The following FSTL5 variants were observed in gnomAD, a reference collection of about 807,000 sequenced individuals.
FSTL5 encodes follistatin like 5, also known as follistatin-related protein 5.
FSTL5 carries 62 observed loss-of-function variants against 89.1 expected under a neutral mutation model. The ratio of observed to expected loss-of-function variants is 0.70; its 90% confidence interval spans 0.57 to 0.86. The LOEUF is 0.86. Among genes scored for constraint, FSTL5 ranks in the 40% least tolerant of loss-of-function variants. The pLI is 0.00. For synonymous variants in FSTL5, 383 were observed against 346.2 expected (o/e 1.11, Z -1.18); for missense variants, 1,057 against 1,001.6 (o/e 1.06, Z -0.75).
At chr4:161,906,736 G>A (rs1319836762) in intron 4 of FSTL5, among the ~76,000 whole-genome samples, 3 of 152,028 alleles carry the variant, frequency 2.0e-5, no homozygotes, top group African/African-American at 7.2e-5. Flanking sequence ...TTGCTTATAC[G>A]ATAATGTCCA....
intron 4 of FSTL5, among the ~76,000 whole-genome samples, chr4:161,814,116 G>A (rs1333387447): frequency 6.6e-6 from 1 of 151,864 alleles, no homozygotes; most frequent in Non-Finnish European, 1.5e-5. Flanking sequence ...GGAAGAGAAA[G>A]ATGGAAGGCA....
At chr4:161,929,555 T>C (rs748538009) in intron 3 of FSTL5, among the ~76,000 whole-genome samples, 19 of 151,866 alleles carry the variant, frequency 1.3e-4, no homozygotes, top group Non-Finnish European at 1.9e-4. Context: ...TTTTGTGGAA[T>C]GTACATAACT....
Position 161,490,648 on chromosome 4 carries a change from C to T in FSTL5, c.1458+9368G>A, listed in dbSNP as rs550247609. 1.2e-3 allele frequency among the ~76,000 whole-genome samples: 178 copies of T among 152,146 alleles called. 1 individual carries two copies. Among genetic ancestry groups the T allele is most frequent in the Non-Finnish European group, 2.1e-3 (145 of 67,972 alleles). On this transcript the variant is annotated intron_variant, in intron 12 of 15. Coordinates refer to ENST00000306100, the MANE Select transcript of FSTL5 (RefSeq NM_020116.5). ...TGCCTTATATGGAACAAAGGCTTAA[C>T]AGGTTTACAAGACTACTATTGACTG...
chr4:161,617,089 T>G (rs1734900369), intron 7 of FSTL5, among the ~76,000 whole-genome samples: 1 of 151,416 alleles, frequency 6.6e-6, no homozygotes, highest in Non-Finnish European at 1.5e-5. Flanking sequence ...TTCAAGGACT[T>G]AAAGGAAATA....
intron 6 of FSTL5, among the ~76,000 whole-genome samples, chr4:161,708,354 A>G (rs1738660878): frequency 6.6e-6 from 1 of 151,992 alleles, no homozygotes; most frequent in Non-Finnish European, 1.5e-5. Flanking sequence ...TTACATTTTT[A>G]CACTCAATAT....
chr4:161,624,556 T>TTTTTTAATTATAATACAA (rs1284970822), intron 7 of FSTL5, among the ~76,000 whole-genome samples: 2 of 145,264 alleles, frequency 1.4e-5, no homozygotes, highest in Non-Finnish European at 1.5e-5. Flanking sequence ...TAGGTGTACA[T>TTTTTTAATTATAATACAA]TTTTTAATTA....
At chr4:162,006,598 C>G (rs760898854) in intron 3 of FSTL5, among the ~76,000 whole-genome samples, 2 of 151,862 alleles carry the variant, frequency 1.3e-5, no homozygotes, top group Non-Finnish European at 2.9e-5. Context: ...GCATTATTAT[C>G]CAGTTGGTAA....
chr4:161,639,235 T>TAAAAATG (rs1190241741), intron 7 of FSTL5, among the ~76,000 whole-genome samples: 1 of 152,112 alleles, frequency 6.6e-6, no homozygotes, highest in East Asian at 1.9e-4. Context: ...TAGGTACTGT[T>TAAAAATG]AAAAATGTGA....
intron 4 of FSTL5, among the ~76,000 whole-genome samples, chr4:161,798,800 C>T (rs1729711506): frequency 6.6e-6 from 1 of 151,370 alleles, no homozygotes; most frequent in African/African-American, 2.4e-5. Flanking sequence ...CATTTCATGC[C>T]AAATGCAAAG....
rs148456992 is a variant in FSTL5 at position 161,410,890 on chromosome 4, T to C, written c.1842-24441A>G. Among the ~76,000 whole-genome samples, 134 of 151,160 alleles carry C rather than the reference T, an allele frequency of 8.9e-4. 1 individual carries two copies. The highest frequency in any genetic ancestry group is 3.1e-3 in the African/African-American group (127 of 41,284). ...GAAATAACTAAAATTAGAGAAGAAC[T>C]TAATGAAATTGAAATGTAAAAATTC... On this transcript the variant is annotated intron_variant, in intron 15 of 15. Coordinates refer to ENST00000306100, the MANE Select transcript of FSTL5 (RefSeq NM_020116.5).
chr4:161,684,805 T>C (rs777379791), intron 6 of FSTL5, among the ~76,000 whole-genome samples: 2 of 152,110 alleles, frequency 1.3e-5, no homozygotes, highest in Non-Finnish European at 2.9e-5. Context: ...TTTATTGCAT[T>C]TGCTTGGTCA....
At chr4:161,556,861 T>TATATATATATATATATATATATAA (rs1481819989) in intron 8 of FSTL5, among the ~76,000 whole-genome samples, 13 of 150,330 alleles carry the variant, frequency 8.6e-5, no homozygotes, top group Non-Finnish European at 1.8e-4. Context: ...TATATATATA[T>TATATATATATATATATATATATAA]AATCCTGGAT....
intron 7 of FSTL5, among the ~76,000 whole-genome samples, chr4:161,619,104 T>C (rs571580328): frequency 1.7e-3 from 256 of 152,278 alleles, no homozygotes; most frequent in African/African-American, 5.9e-3. Context: ...ATTCCCTATT[T>C]AATAAATGGT....
intron 4 of FSTL5, among the ~76,000 whole-genome samples, chr4:161,871,528 G>A (rs1161353914): frequency 2.6e-5 from 4 of 151,928 alleles, no homozygotes; most frequent in Non-Finnish European, 5.9e-5. Context: ...TTCATTTTAT[G>A]GATAACATAA....
chr4:161,469,805 T>A (rs1306311068), intron 13 of FSTL5, among the ~76,000 whole-genome samples: 2 of 151,916 alleles, frequency 1.3e-5, no homozygotes, highest in Non-Finnish European at 2.9e-5. Flanking sequence ...GCCCGGCTAC[T>A]TTTTGTTTGT....
At chr4:161,766,769 G>A (rs1741016485) in intron 5 of FSTL5, among the ~76,000 whole-genome samples, 1 of 152,164 alleles carries the variant, frequency 6.6e-6, no homozygotes, top group Admixed American at 6.5e-5. Context: ...GAAAGGTGTA[G>A]ACAACGGCTG....
At chr4:161,748,268 CA>C (rs1408511260) in intron 6 of FSTL5, among the ~76,000 whole-genome samples, 2 of 152,034 alleles carry the variant, frequency 1.3e-5, no homozygotes, top group African/African-American at 4.8e-5. Flanking sequence ...GAAATTGCCA[CA>C]AAAAGTATCA....
At chr4:162,012,988 A>G (rs1326072116) in intron 3 of FSTL5, among the ~76,000 whole-genome samples, 1 of 152,120 alleles carries the variant, frequency 6.6e-6, no homozygotes, top group African/African-American at 2.4e-5. Flanking sequence ...GTTCAAGACC[A>G]GTCTGCACAA....
intron 4 of FSTL5, among the ~76,000 whole-genome samples, chr4:161,899,974 C>G (rs1040336622): frequency 1.8e-4 from 28 of 152,128 alleles, no homozygotes; most frequent in African/African-American, 6.8e-4. Flanking sequence ...GCGGATGGAT[C>G]ACCTGAGGTC....
Sources: gnomAD v4.1 joint callset for allele counts (sites outside exome capture counted in the v4.1 genomes callset) on GRCh38, gnomAD v4.1.1 for gene constraint, MANE v1.5 for transcripts, NCBI Gene and HGNC (gene_info 2026-07-23, HGNC 2026-07-21) for gene names.